Variants in CLDN1 observed in about 807,000 individuals in gnomAD.
CLDN1 encodes the protein claudin-1.
CLDN1 carries 12 observed loss-of-function variants against 22.6 expected under a neutral mutation model. The observed-to-expected ratio is 0.53, with a 90% CI of 0.34 to 0.86. The LOEUF (loss-of-function observed/expected upper bound fraction) is 0.86. Among genes scored for constraint, CLDN1 ranks in the 40% least tolerant of loss-of-function variants. CLDN1 has a pLI of 0.02. For missense variants in CLDN1, 250 were observed against 269.5 expected, an observed-to-expected ratio of 0.93 and a Z score of 0.51; for synonymous variants, 99 against 103.8, an observed-to-expected ratio of 0.95 and a Z score of 0.28.
At position 190,308,252 on chromosome 3, in the gene CLDN1, A is replaced by G. The variant is rs1716512193; in HGVS notation, c.*25T>C. 1 of 1,613,360 alleles carries G rather than the reference A, an allele frequency of 6.2e-7. No individual in the cohort carries two copies. Among genetic ancestry groups the G allele is most frequent in the Non-Finnish European group, 8.5e-7 (1 of 1,179,564 alleles). ...ATGTCCATTTTCGGTTTGTTTCAAC[A>G]TGATTTTCTCCTTTTGCCTCTGTGT... On this transcript the variant is annotated 3_prime_UTR_variant, in exon 4 of 4. Transcript: ENST00000295522.
At chr3:190,312,534 C>T (rs1463463603) in intron 2 of CLDN1, among the ~76,000 whole-genome samples, 2 of 152,198 alleles carry the variant, frequency 1.3e-5, no homozygotes, top group East Asian at 1.9e-4. Flanking sequence ...ATCTTTTCCA[C>T]ATAGTATCTG....
intron 3 of CLDN1, 70 bp downstream of exon 3, chr3:190,310,099 C>G: frequency 7.9e-7 from 1 of 1,269,160 alleles, no homozygotes; most frequent in Non-Finnish European, 1.2e-6. Context: ...ATGGCACTAG[C>G]AGGACTTTGT....
chr3:190,309,209 A>G (rs1438907486), intron 3 of CLDN1, among the ~76,000 whole-genome samples: 1 of 152,224 alleles, frequency 6.6e-6, no homozygotes, highest in Non-Finnish European at 1.5e-5. Context: ...ATCACATGCA[A>G]TAATGTAAAT....
chr3:190,314,811 C>A (rs991976614), intron 1 of CLDN1, among the ~76,000 whole-genome samples: 1 of 152,134 alleles, frequency 6.6e-6, no homozygotes, highest in Non-Finnish European at 1.5e-5. Context: ...AAAAAAGAGA[C>A]TTCCTGATTC....
rs115974321 is a variant in CLDN1 at position 190,318,548 on chromosome 3, G to A, written c.223+3436C>T. On this transcript the variant is annotated intron_variant, in intron 1 of 3. Transcript: ENST00000295522. Reference sequence around the variant, plus strand: ...CACTCTGCCCTATTTTATAAGTGGGGTAACTACTTGAAACCAGGGAGATCA... The same window carrying A: ...CACTCTGCCCTATTTTATAAGTGGGATAACTACTTGAAACCAGGGAGATCA... Among the ~76,000 whole-genome samples, 1,142 of 152,142 alleles carry A rather than the reference G, an allele frequency of 7.5e-3. 18 individuals carry two copies. The highest frequency in any genetic ancestry group is 0.026 in the African/African-American group (1,077 of 41,442).
chr3:190,315,629 T>C (rs9867287), intron 1 of CLDN1, among the ~76,000 whole-genome samples: 44,697 of 152,046 alleles, frequency 0.29, 6,959 homozygotes, highest in East Asian at 0.6. Flanking sequence ...ATTTTATTTT[T>C]TCATAAATAC....
intron 1 of CLDN1, among the ~76,000 whole-genome samples, chr3:190,321,699 C>T (rs185523477): frequency 1.2e-4 from 18 of 152,294 alleles, no homozygotes; most frequent in African/African-American, 4.1e-4. Flanking sequence ...GTTTGGCCTT[C>T]ACTCCCTCAA....
chr3:190,311,479 A>C (rs905338256), intron 2 of CLDN1, among the ~76,000 whole-genome samples: 1 of 152,206 alleles, frequency 6.6e-6, no homozygotes, highest in African/African-American at 2.4e-5. Context: ...ATTACTGGTT[A>C]AACTGACATA....
chr3:190,312,233 A>C (rs911141892), intron 2 of CLDN1, among the ~76,000 whole-genome samples: 2 of 152,116 alleles, frequency 1.3e-5, no homozygotes, highest in East Asian at 3.8e-4. Flanking sequence ...ACCTGGCCTA[A>C]AAAACACGTA....
intron 1 of CLDN1, among the ~76,000 whole-genome samples, chr3:190,320,837 C>G (rs1716898336): frequency 6.6e-6 from 1 of 152,094 alleles, no homozygotes; most frequent in African/African-American, 2.4e-5. Flanking sequence ...AAGGGCATAA[C>G]AGACACATGA....
At chr3:190,318,979 G>A (rs891672537) in intron 1 of CLDN1, among the ~76,000 whole-genome samples, 3 of 152,108 alleles carry the variant, frequency 2.0e-5, no homozygotes, top group Non-Finnish European at 1.5e-5. Flanking sequence ...CTCAGGGTTC[G>A]GTGAGATTGA....
Position 190,322,310 on chromosome 3 carries a change from G to T in CLDN1, c.-104C>A. On this transcript the variant is annotated 5_prime_UTR_variant, in exon 1 of 4. Transcript: ENST00000295522. Reference sequence around the variant, plus strand: ...CCCGAAGGTGGCTGGGCCCCGCGGAGGAAGTTAAGGCGGGGAGCCCTGCTC... The same window carrying T: ...CCCGAAGGTGGCTGGGCCCCGCGGATGAAGTTAAGGCGGGGAGCCCTGCTC... The T allele has an allele frequency of 9.6e-7, 1 of 1,040,000 alleles. No individual in the cohort carries two copies. Among genetic ancestry groups the T allele is most frequent in the Non-Finnish European group, 1.4e-6 (1 of 689,956 alleles). 64.4% of individuals were successfully genotyped at this position (1,040,000 alleles called of 1,614,324 possible).
At chr3:190,317,796 T>G (rs1008507109) in intron 1 of CLDN1, among the ~76,000 whole-genome samples, 1 of 152,226 alleles carries the variant, frequency 6.6e-6, no homozygotes, top group Non-Finnish European at 1.5e-5. Flanking sequence ...GACTCTCAGA[T>G]ACTGTATTCT....
chr3:190,322,270 T>C lies in CLDN1; in HGVS notation c.-64A>G. On this transcript the variant is annotated 5_prime_UTR_variant, in exon 1 of 4. Coordinates refer to ENST00000295522, the MANE Select transcript of CLDN1 (RefSeq NM_021101.5). ...GTGCAGAAGGCGGAGAGTTTGCAGG[T>C]GGGCAACCCGGACTCCCGAAGGTGG... The C allele has an allele frequency of 6.8e-7, 1 of 1,470,658 alleles. No homozygotes were observed. Among genetic ancestry groups the C allele is most frequent in the Non-Finnish European group, 9.4e-7 (1 of 1,060,378 alleles). The allele number at this position is 1,470,658 out of a possible 1,614,324, so 91.1% of individuals were successfully genotyped here.
At chr3:190,316,501 T>C (rs1716773843) in intron 1 of CLDN1, among the ~76,000 whole-genome samples, 2 of 152,212 alleles carry the variant, frequency 1.3e-5, no homozygotes. Context: ...AGGTTACCAG[T>C]CAAAGTAAGC....
intron 1 of CLDN1, among the ~76,000 whole-genome samples, chr3:190,316,171 A>G (rs1235775988): frequency 4.6e-5 from 7 of 152,230 alleles, no homozygotes; most frequent in Admixed American, 2.6e-4. Context: ...AGTAATGGAG[A>G]AAATGGAAAA....
At chr3:190,320,312 C>T (rs1372006058) in intron 1 of CLDN1, among the ~76,000 whole-genome samples, 2 of 152,120 alleles carry the variant, frequency 1.3e-5, no homozygotes, top group Non-Finnish European at 2.9e-5. Flanking sequence ...ACAGTGAGAC[C>T]TCTCTGGAAT....
At chr3:190,314,460 T>C (rs141537273) in intron 1 of CLDN1, among the ~76,000 whole-genome samples, 1 of 152,274 alleles carries the variant, frequency 6.6e-6, no homozygotes, top group East Asian at 1.9e-4. Flanking sequence ...AGTGGTGCGA[T>C]ATGGGCTCAC....
chr3:190,321,301 C>A (rs1204828180), intron 1 of CLDN1, among the ~76,000 whole-genome samples: 2 of 152,140 alleles, frequency 1.3e-5, no homozygotes, highest in Non-Finnish European at 2.9e-5. Context: ...TCCAAGATAG[C>A]ACTACACCGT....
Sources: gnomAD v4.1 joint callset for allele counts (sites outside exome capture counted in the v4.1 genomes callset) on GRCh38, gnomAD v4.1.1 for gene constraint, MANE v1.5 for transcripts, NCBI Gene and HGNC (gene_info 2026-07-23, HGNC 2026-07-21) for gene names.